Variants in MGAT4C observed in about 807,000 individuals in gnomAD.
The protein encoded by MGAT4C is MGAT4 family member C.
MGAT4C carries 19 observed loss-of-function variants against 40.1 expected under a neutral mutation model. The observed-to-expected ratio is 0.47, with a 90% confidence interval of 0.33 to 0.70. The LOEUF is 0.70. Among genes scored for constraint, MGAT4C ranks in the 30% least tolerant of loss-of-function variants. The pLI, the probability that MGAT4C is intolerant of heterozygous loss-of-function variation, is 0.02. For missense variants in MGAT4C, 491 were observed against 563.2 expected, an observed-to-expected ratio of 0.87 and a Z score of 1.30; for synonymous variants, 181 against 187.1, an observed-to-expected ratio of 0.97 and a Z score of 0.27.
At chr12:86,146,029 T>C (rs1009000765) in intron 1 of MGAT4C, among the ~76,000 whole-genome samples, 9 of 152,286 alleles carry the variant, frequency 5.9e-5, no homozygotes, top group Admixed American at 1.3e-4. Context: ...ACTAAAAATA[T>C]GTTGCAGACA....
chr12:86,825,742 T>C (rs187694242), intron 1 of MGAT4C, among the ~76,000 whole-genome samples: 157 of 151,540 alleles, frequency 1.0e-3, no homozygotes, highest in African/African-American at 3.6e-3. Context: ...CATCACTGGC[T>C]CTAGAAACTA....
At chr12:86,728,897 G>A (rs1244902247) in intron 1 of MGAT4C, among the ~76,000 whole-genome samples, 7 of 151,898 alleles carry the variant, frequency 4.6e-5, no homozygotes, top group Admixed American at 2.0e-4. Context: ...GATGCCTTTC[G>A]ATATCAATTC....
chr12:86,792,453 G>T (rs1952040498), intron 1 of MGAT4C, among the ~76,000 whole-genome samples: 1 of 152,006 alleles, frequency 6.6e-6, no homozygotes, highest in South Asian at 2.1e-4. Flanking sequence ...TCAGAAAAGA[G>T]AAAATTTCCT....
chr12:86,586,711 G>C (rs1290175553), intron 2 of MGAT4C, among the ~76,000 whole-genome samples: 2 of 149,670 alleles, frequency 1.3e-5, no homozygotes, highest in African/African-American at 4.9e-5. Flanking sequence ...GTGATGGTGA[G>C]CATTTTTTCA....
intron 3 of MGAT4C, among the ~76,000 whole-genome samples, chr12:86,336,304 AGT>A (rs773283050): frequency 6.6e-6 from 1 of 152,182 alleles, no homozygotes; most frequent in Non-Finnish European, 1.5e-5. Context: ...CTTGTGTTTC[AGT>A]AGAGTTCAGT....
At chr12:86,326,850 CCTTA>C (rs1954540490) in intron 4 of MGAT4C, among the ~76,000 whole-genome samples, 1 of 151,898 alleles carries the variant, frequency 6.6e-6, no homozygotes, top group Non-Finnish European at 1.5e-5. Flanking sequence ...TTTAAAGGAG[CCTTA>C]CTTCACTCTT....
intron 2 of MGAT4C, among the ~76,000 whole-genome samples, chr12:86,518,059 T>C (rs1009118330): frequency 6.6e-6 from 1 of 152,168 alleles, no homozygotes; most frequent in Admixed American, 6.5e-5. Context: ...AGCTTTCTTA[T>C]CAACCTGCAG....
intron 3 of MGAT4C, among the ~76,000 whole-genome samples, chr12:86,418,211 T>C (rs559889665): frequency 8.5e-5 from 13 of 152,316 alleles, no homozygotes; most frequent in East Asian, 3.9e-4. Context: ...TGTAGGTAGA[T>C]TGAATGATCA....
intron 2 of MGAT4C, among the ~76,000 whole-genome samples, chr12:86,510,755 T>C (rs1296281821): frequency 6.6e-6 from 1 of 152,148 alleles, no homozygotes; most frequent in Non-Finnish European, 1.5e-5. Context: ...GGCCATTATA[T>C]AATGGTAAAG....
intron 1 of MGAT4C, among the ~76,000 whole-genome samples, chr12:86,757,001 A>G (rs191894257): frequency 6.4e-4 from 97 of 152,320 alleles, no homozygotes; most frequent in Admixed American, 3.9e-3. Context: ...TTATAATTAT[A>G]CTATATCTTT....
intron 2 of MGAT4C, among the ~76,000 whole-genome samples, chr12:86,612,792 T>G (rs77318889): frequency 6.9e-6 from 1 of 144,622 alleles, no homozygotes; most frequent in African/African-American, 2.5e-5. Context: ...CTGCACCAAA[T>G]TAAGCTGTTT....
At chr12:86,710,608 C>A (rs562436555) in intron 2 of MGAT4C, among the ~76,000 whole-genome samples, 1 of 152,184 alleles carries the variant, frequency 6.6e-6, no homozygotes, top group East Asian at 1.9e-4. Flanking sequence ...CTAATACAAC[C>A]ACTAGGGAAA....
At chr12:86,769,583 C>G (rs1951590075) in intron 1 of MGAT4C, among the ~76,000 whole-genome samples, 1 of 152,090 alleles carries the variant, frequency 6.6e-6, no homozygotes, top group African/African-American at 2.4e-5. Flanking sequence ...TATTGCAGCA[C>G]TATTCACAAT....
At chr12:86,357,080 C>A (rs1955332101) in intron 3 of MGAT4C, among the ~76,000 whole-genome samples, 1 of 152,142 alleles carries the variant, frequency 6.6e-6, no homozygotes, top group African/African-American at 2.4e-5. Flanking sequence ...CCAGTAGGGG[C>A]CGACTGACAC....
At chr12:86,324,253 T>G (rs1356346233) in intron 4 of MGAT4C, among the ~76,000 whole-genome samples, 1 of 151,754 alleles carries the variant, frequency 6.6e-6, no homozygotes, top group African/African-American at 2.4e-5. Context: ...GGTAAAAGAG[T>G]GGTAGATAGC....
At chr12:86,086,085 G>A (rs1476688437) in intron 1 of MGAT4C, among the ~76,000 whole-genome samples, 2 of 152,100 alleles carry the variant, frequency 1.3e-5, no homozygotes, top group African/African-American at 4.8e-5. Context: ...AAAGACGCAT[G>A]TACAAGTATG....
At chr12:86,318,300 C>T (rs577183126) in intron 4 of MGAT4C, among the ~76,000 whole-genome samples, 1 of 152,186 alleles carries the variant, frequency 6.6e-6, no homozygotes, top group African/African-American at 2.4e-5. Context: ...AAATTTCTTT[C>T]CAACACGCCT....
At chr12:86,482,103 A>AC (rs1565791751) in intron 2 of MGAT4C, among the ~76,000 whole-genome samples, 108 of 71,402 alleles carry the variant, frequency 1.5e-3, no homozygotes, top group African/African-American at 5.1e-3. Flanking sequence ...CACACACACA[A>AC]GCAAGTCTTC....
intron 2 of MGAT4C, among the ~76,000 whole-genome samples, chr12:86,510,314 C>G (rs558789941): frequency 6.6e-6 from 1 of 152,046 alleles, no homozygotes; most frequent in African/African-American, 2.4e-5. Flanking sequence ...ACCAACAGGC[C>G]TGCTCTAAAA....
Sources: gnomAD v4.1 joint callset for allele counts (sites outside exome capture counted in the v4.1 genomes callset) on GRCh38, gnomAD v4.1.1 for gene constraint, MANE v1.5 for transcripts, NCBI Gene and HGNC (gene_info 2026-07-23, HGNC 2026-07-21) for gene names.